The following NKAIN3 variants were observed in gnomAD, a reference collection of about 807,000 sequenced individuals.
NKAIN3 encodes sodium/potassium-transporting ATPase subunit beta-1-interacting protein 3.
A neutral mutation model predicts 30.2 loss-of-function variants in NKAIN3; 25 were observed. The ratio of observed to expected loss-of-function variants is 0.83; its 90% CI spans 0.60 to 1.16. NKAIN3 has a LOEUF of 1.16. NKAIN3 is among the 50% of genes most tolerant of loss of function. The pLI, the probability that NKAIN3 is intolerant of heterozygous loss-of-function variation, is 0.00. For missense variants in NKAIN3, 225 were observed against 254.1 expected (o/e 0.89, Z 0.78); for synonymous variants, 91 against 89.6 (o/e 1.02, Z -0.09).
At chr8:62,413,951 A>G (rs985977671) in intron 1 of NKAIN3, among the ~76,000 whole-genome samples, 3 of 152,116 alleles carry the variant, frequency 2.0e-5, no homozygotes, top group African/African-American at 7.2e-5. Flanking sequence ...ACATAATAGG[A>G]ACTTATTTAT....
intron 1 of NKAIN3, among the ~76,000 whole-genome samples, chr8:62,252,505 T>TA (rs1812141095): frequency 6.6e-6 from 1 of 152,238 alleles, no homozygotes; most frequent in African/African-American, 2.4e-5. Flanking sequence ...AGTCATTTTC[T>TA]ACTTTTTTCA....
chr8:62,667,710 A>T (rs1050674868), intron 3 of NKAIN3, among the ~76,000 whole-genome samples: 2 of 152,132 alleles, frequency 1.3e-5, no homozygotes, highest in African/African-American at 4.8e-5. Flanking sequence ...TAAAAAATAA[A>T]TCAGATCAGG....
intron 3 of NKAIN3, among the ~76,000 whole-genome samples, chr8:62,620,789 T>C (rs1268428236): frequency 6.6e-6 from 1 of 152,194 alleles, no homozygotes; most frequent in Non-Finnish European, 1.5e-5. Flanking sequence ...TATTAACATA[T>C]TGAACAATAA....
At chr8:62,858,681 A>G (rs535082149) in intron 4 of NKAIN3, among the ~76,000 whole-genome samples, 1 of 152,322 alleles carries the variant, frequency 6.6e-6, no homozygotes, top group East Asian at 1.9e-4. Flanking sequence ...TTCCTCATCC[A>G]GACCATTTGG....
chr8:62,731,184 C>T (rs1320213509), intron 3 of NKAIN3, among the ~76,000 whole-genome samples: 1 of 151,512 alleles, frequency 6.6e-6, no homozygotes, highest in Non-Finnish European at 1.5e-5. Context: ...GCTCATTGCT[C>T]TGCTAGAGCA....
intron 1 of NKAIN3, among the ~76,000 whole-genome samples, chr8:62,434,826 A>G (rs776451753): frequency 2.0e-5 from 3 of 152,174 alleles, no homozygotes; most frequent in Non-Finnish European, 2.9e-5. Context: ...TTAACTATGC[A>G]CTTGTAAATT....
At chr8:62,578,631 C>T (rs1468257698) in intron 1 of NKAIN3, among the ~76,000 whole-genome samples, 1 of 149,332 alleles carries the variant, frequency 6.7e-6, no homozygotes, top group Non-Finnish European at 1.5e-5. Flanking sequence ...CACAAGAAAG[C>T]AGGGATAGGT....
intron 1 of NKAIN3, among the ~76,000 whole-genome samples, chr8:62,351,539 A>C: frequency 6.7e-6 from 1 of 150,044 alleles, no homozygotes; most frequent in Middle Eastern, 3.5e-3. Flanking sequence ...ACATTTAAAT[A>C]CACAACATAT....
At chr8:62,677,225 G>A (rs1039409162) in intron 3 of NKAIN3, among the ~76,000 whole-genome samples, 1 of 152,168 alleles carries the variant, frequency 6.6e-6, no homozygotes, top group Non-Finnish European at 1.5e-5. Context: ...GATCTGAGCG[G>A]TGATATATCA....
intron 4 of NKAIN3, among the ~76,000 whole-genome samples, chr8:62,800,745 G>A (rs1483594191): frequency 6.6e-6 from 1 of 152,162 alleles, no homozygotes; most frequent in Non-Finnish European, 1.5e-5. Flanking sequence ...ATCTCACTAG[G>A]GAGTGCCAGA....
chr8:62,294,789 C>T (rs573553640), intron 1 of NKAIN3, among the ~76,000 whole-genome samples: 1 of 152,118 alleles, frequency 6.6e-6, no homozygotes, highest in Admixed American at 6.6e-5. Context: ...TAGCTATTCT[C>T]CCACCTCAGC....
At chr8:62,634,610 G>T (rs559666975) in intron 3 of NKAIN3, among the ~76,000 whole-genome samples, 1 of 152,218 alleles carries the variant, frequency 6.6e-6, no homozygotes, top group African/African-American at 2.4e-5. Context: ...ACAAAGAGTA[G>T]TAGCTGCACT....
chr8:62,674,509 C>T (rs369105323), intron 3 of NKAIN3, among the ~76,000 whole-genome samples: 2 of 152,192 alleles, frequency 1.3e-5, no homozygotes, highest in South Asian at 4.1e-4. Flanking sequence ...TTGCAGGTAT[C>T]CTGCTTGGGG....
At chr8:62,615,714 A>C (rs1218720749) in intron 3 of NKAIN3, among the ~76,000 whole-genome samples, 1 of 152,124 alleles carries the variant, frequency 6.6e-6, no homozygotes, top group Admixed American at 6.6e-5. Flanking sequence ...GGCAGGCATC[A>C]GCTGGGTTTG....
chr8:62,869,763 G>GT (rs151304393), intron 4 of NKAIN3, among the ~76,000 whole-genome samples: 2,368 of 151,910 alleles, frequency 0.016, 69 homozygotes, highest in African/African-American at 0.054. Flanking sequence ...GTTTGTTTCT[G>GT]TTTTTGTTTT....
chr8:62,632,755 G>A (rs941693399), intron 3 of NKAIN3, among the ~76,000 whole-genome samples: 2 of 151,798 alleles, frequency 1.3e-5, no homozygotes, highest in South Asian at 2.1e-4. Context: ...CACCCCCCTC[G>A]GCCTCCCAAA....
chr8:62,595,254 C>G (rs1480194), intron 3 of NKAIN3, among the ~76,000 whole-genome samples: 118,518 of 151,866 alleles, frequency 0.78, 46,381 homozygotes, highest in Middle Eastern at 0.84. Context: ...AGATGTTAAA[C>G]GCTTCTGATA....
At chr8:62,459,321 TC>T (rs1805917972) in intron 1 of NKAIN3, among the ~76,000 whole-genome samples, 1 of 152,184 alleles carries the variant, frequency 6.6e-6, no homozygotes, top group African/African-American at 2.4e-5. Flanking sequence ...TTAAAGGCTG[TC>T]AGCCTTGTCA....
Position 62,855,704 on chromosome 8 carries a change from C to A in NKAIN3, c.472-62749C>A, listed in dbSNP as rs767160691. On this transcript the variant is annotated intron_variant, in intron 4 of 6. Coordinates refer to ENST00000623646, the MANE Select transcript of NKAIN3 (RefSeq NM_001304533.3). Reference sequence around the variant, plus strand: ...AAAGCTGTCACTTCTGCATGTGAAGCGGAGCTTCTGAACGATAGCCTTCAT... The same window carrying A: ...AAAGCTGTCACTTCTGCATGTGAAGAGGAGCTTCTGAACGATAGCCTTCAT... 6 of 1,589,292 alleles carry A rather than the reference C, an allele frequency of 3.8e-6. No individual in the cohort carries two copies. In the East Asian group the frequency reaches 1.3e-4, roughly 36 times the overall value.
Sources: allele counts gnomAD v4.1 joint callset (sites outside exome capture counted in the v4.1 genomes callset), GRCh38; gene constraint gnomAD v4.1.1; transcripts MANE v1.5; gene names NCBI Gene and HGNC (gene_info 2026-07-23, HGNC 2026-07-21).